Variants in C6orf118 observed in about 807,000 individuals in gnomAD.
The protein encoded by C6orf118 is chromosome 6 open reading frame 118, also known as uncharacterized protein C6orf118.
In C6orf118, 50 loss-of-function variants were observed where a neutral mutation model predicts 50.2. That is an observed-to-expected ratio of 1.00 (90% confidence interval 0.79 to 1.26). C6orf118 has a LOEUF of 1.26. Ranked by LOEUF, C6orf118 falls within the 50% of genes most tolerant of loss-of-function variation. The pLI, the probability that C6orf118 is intolerant of heterozygous loss-of-function variation, is 0.00. For synonymous variants in C6orf118, 239 were observed against 230.9 expected, an observed-to-expected ratio of 1.03 and a Z score of -0.32; for missense variants, 641 against 578.7, an observed-to-expected ratio of 1.11 and a Z score of -1.10.
rs759606692 is a variant in C6orf118 at position 165,301,649 on chromosome 6, C to A, written c.673G>T (p.Val225Leu). ...TTCAGGAGATCTTGCTTGGCGAGCACTTCCTTCTGGAAACGCAGGAACATC... is the reference window on the plus strand; with the variant it reads ...TTCAGGAGATCTTGCTTGGCGAGCAATTCCTTCTGGAAACGCAGGAACATC... ...YRMFLRFQKE[V>L]LAKQDLLKND... The change falls in exon 2 of 9, where the codon GTG becomes TTG. Residue 225 changes from valine to leucine, a missense_variant. Transcript: ENST00000230301. The A allele has an allele frequency of 6.2e-7, 1 of 1,614,202 alleles. No individual in the cohort carries two copies. The highest frequency in any genetic ancestry group is 8.5e-7 in the Non-Finnish European group (1 of 1,180,032).
intron 2 of C6orf118, 56 bp from the exon 3 acceptor site, chr6:165,300,542 C>G (rs149784703): frequency 1.3e-5 from 21 of 1,557,144 alleles, no homozygotes; most frequent in Middle Eastern, 1.9e-4. Flanking sequence ...TCTTCCAGAA[C>G]CGAATTTCTC....
In C6orf118 at chr6:165,279,952, T is replaced by C. The variant is rs1181723514; in HGVS notation, c.*105A>G. On this transcript the variant is annotated 3_prime_UTR_variant, in exon 9 of 9. Coordinates refer to ENST00000230301, the MANE Select transcript of C6orf118 (RefSeq NM_144980.4). Reference sequence around the variant, plus strand: ...TAATTTTACTAGAGATTAAAGCTGATGAAATGAAATGTATCTTTATGAATG... The same window carrying C: ...TAATTTTACTAGAGATTAAAGCTGACGAAATGAAATGTATCTTTATGAATG... 2.6e-6 allele frequency: 3 copies of C among 1,167,160 alleles called. No individual in the cohort carries two copies. Among genetic ancestry groups the C allele is most frequent in the Non-Finnish European group, 3.6e-6 (3 of 829,842 alleles). 72.3% of individuals were successfully genotyped at this position (1,167,160 alleles called of 1,614,324 possible). A position where few individuals can be genotyped will look rare whatever the true frequency, so the allele number is the denominator to read the frequency against.
intron 1 of C6orf118, 99 bp downstream of exon 1, chr6:165,309,463 G>A: frequency 6.8e-7 from 1 of 1,470,694 alleles, no homozygotes; most frequent in Non-Finnish European, 9.5e-7. Context: ...ACCAGAAAAA[G>A]ATTTTCACAT....
At chr6:165,286,507 A>G (rs959922977) in intron 7 of C6orf118, among the ~76,000 whole-genome samples, 1 of 152,198 alleles carries the variant, frequency 6.6e-6, no homozygotes, top group Middle Eastern at 3.2e-3. Context: ...ACCTCTGATG[A>G]ACATTGATGC....
intron 6 of C6orf118, among the ~76,000 whole-genome samples, chr6:165,291,497 TG>T (rs1411024323): frequency 6.6e-6 from 1 of 152,156 alleles, no homozygotes; most frequent in Non-Finnish European, 1.5e-5. Flanking sequence ...TCCATGTGTT[TG>T]GTGATACCAT....
intron 5 of C6orf118, 111 bp from the exon 6 acceptor site, chr6:165,293,582 G>A: frequency 1.2e-6 from 1 of 801,462 alleles, no homozygotes; most frequent in Non-Finnish European, 2.0e-6. Flanking sequence ...AAATAGATCT[G>A]CTTACTTTTA....
chr6:165,284,016 A>G (rs962410869), intron 7 of C6orf118, among the ~76,000 whole-genome samples: 5 of 152,204 alleles, frequency 3.3e-5, no homozygotes, highest in Admixed American at 3.3e-4. Flanking sequence ...AAGGTGGGTA[A>G]TAACGAACTT....
intron 6 of C6orf118, among the ~76,000 whole-genome samples, chr6:165,292,918 G>A (rs1382611514): frequency 1.3e-5 from 2 of 152,162 alleles, no homozygotes; most frequent in Non-Finnish European, 2.9e-5. Context: ...AGTCCTGTGA[G>A]CATATCCTAC....
intron 8 of C6orf118, among the ~76,000 whole-genome samples, chr6:165,281,127 T>A (rs1779714925): frequency 6.6e-6 from 1 of 152,186 alleles, no homozygotes; most frequent in Non-Finnish European, 1.5e-5. Flanking sequence ...ATTTTCAGAG[T>A]AATATATGCA....
chr6:165,293,775 A>C (rs1178971784), intron 5 of C6orf118, among the ~76,000 whole-genome samples: 1 of 151,742 alleles, frequency 6.6e-6, no homozygotes, highest in East Asian at 1.9e-4. Context: ...GGAAGAAGGC[A>C]AAAAAAATTT....
At chr6:165,300,320 A>C (rs772005295) in intron 3 of C6orf118, 44 bp downstream of exon 3, 2 of 1,608,796 alleles carry the variant, frequency 1.2e-6, no homozygotes, top group East Asian at 4.5e-5. Context: ...ACAGAACCTC[A>C]TGCAAGCTTC....
Position 165,297,999 on chromosome 6 carries a change from C to T in C6orf118, c.1039G>A (p.Ala347Thr). The T allele has an allele frequency of 6.2e-7, 1 of 1,613,988 alleles. No individual in the cohort carries two copies. The change falls in exon 5 of 9, where the codon GCA (alanine) becomes ACA (threonine). Residue 347 changes from alanine to threonine, a missense_variant. Coordinates refer to ENST00000230301, the MANE Select transcript of C6orf118 (RefSeq NM_144980.4). Reference sequence around the variant, plus strand: ...CACCTATCATTCTGCTCCAGGGCTGCTTTTGTGGCTGTCACGAGCATCCTC... The same window carrying T: ...CACCTATCATTCTGCTCCAGGGCTGTTTTTGTGGCTGTCACGAGCATCCTC... ...ELRMLVTATK[A>T]ALEQNDRLRS...
intron 7 of C6orf118, among the ~76,000 whole-genome samples, chr6:165,286,962 T>G (rs1387172997): frequency 6.6e-6 from 1 of 152,128 alleles, no homozygotes; most frequent in Non-Finnish European, 1.5e-5. Context: ...TAAAGGGTAT[T>G]GAAATAGGAA....
intron 7 of C6orf118, among the ~76,000 whole-genome samples, chr6:165,288,752 G>A (rs1266346055): frequency 1.3e-5 from 2 of 152,060 alleles, no homozygotes; most frequent in Non-Finnish European, 2.9e-5. Flanking sequence ...CATGGACACA[G>A]GAAGGGGAAC....
rs60755206 is a variant in C6orf118, at chr6:165,306,535, CAAAAAAAA to C, written c.25+3019_25+3026del. ...TAGAAATGGAATTTCTAGGTGAATGCAAAAAAAAAAAAAAAAAAAAAAAAAAGAAATGA... is the reference window on the plus strand; with the variant it reads ...TAGAAATGGAATTTCTAGGTGAATGCAAAAAAAAAAAAAAAAAAGAAATGA... On this transcript the variant is annotated intron_variant, in intron 1 of 8. Coordinates refer to ENST00000230301, the MANE Select transcript of C6orf118 (RefSeq NM_144980.4). 5.8e-4 allele frequency among the ~76,000 whole-genome samples: 23 copies of C among 39,712 alleles called. No homozygotes were observed. The South Asian group carries it at 6.5e-3, about 11-fold the overall frequency. 26.1% of individuals were successfully genotyped at this position (39,712 alleles called of 152,430 possible).
At chr6:165,295,333 G>A (rs1401241408) in intron 5 of C6orf118, among the ~76,000 whole-genome samples, 1 of 151,980 alleles carries the variant, frequency 6.6e-6, no homozygotes, top group African/African-American at 2.4e-5. Context: ...TTAAATTTAT[G>A]ACTCAAGATT....
At chr6:165,284,963 C>T (rs550043056) in intron 7 of C6orf118, among the ~76,000 whole-genome samples, 2 of 152,192 alleles carry the variant, frequency 1.3e-5, no homozygotes, top group African/African-American at 4.8e-5. Flanking sequence ...TCACATATAA[C>T]AATATTAACC....
At chr6:165,295,571 T>C (rs138017528) in intron 5 of C6orf118, among the ~76,000 whole-genome samples, 1 of 152,292 alleles carries the variant, frequency 6.6e-6, no homozygotes, top group East Asian at 1.9e-4. Context: ...TGATTTGGAG[T>C]AGTATGTGAG....
At chr6:165,308,569 A>T (rs897092237) in intron 1 of C6orf118, among the ~76,000 whole-genome samples, 2 of 152,198 alleles carry the variant, frequency 1.3e-5, no homozygotes, top group Admixed American at 1.3e-4. Flanking sequence ...CTTACCCTCG[A>T]GTCCAGCCTG....
Sources: allele counts gnomAD v4.1 joint callset (sites outside exome capture counted in the v4.1 genomes callset), GRCh38; gene constraint gnomAD v4.1.1; transcripts MANE v1.5; gene names NCBI Gene and HGNC (gene_info 2026-07-23, HGNC 2026-07-21).